The following ABI1 variants were observed in gnomAD, a reference collection of about 807,000 sequenced individuals.
ABI1 encodes abl interactor 1, also known as Abelson interactor 1.
In ABI1, 14 loss-of-function variants were observed where a neutral mutation model predicts 54.6. That is an observed-to-expected ratio of 0.26 (90% CI 0.17 to 0.40). The LOEUF is 0.40. Among genes scored for constraint, ABI1 ranks in the 10% least tolerant of loss-of-function variants. The pLI is 1.00. For synonymous variants in ABI1, 194 were observed against 209.3 expected, an observed-to-expected ratio of 0.93 and a Z score of 0.63; for missense variants, 443 against 598.3, an observed-to-expected ratio of 0.74 and a Z score of 2.71.
At chr10:26,765,339 T>C (rs755178978) in intron 6 of ABI1, 21 bp from the exon 7 acceptor site, 174 of 1,488,014 alleles carry the variant, frequency 1.2e-4, no homozygotes, top group Middle Eastern at 3.4e-4. Context: ...AAAAAAAAAC[T>C]GTGAAAAACC....
intron 7 of ABI1, among the ~76,000 whole-genome samples, chr10:26,761,659 T>TATATAC (rs1839224818): frequency 5.7e-5 from 5 of 88,154 alleles, no homozygotes; most frequent in Admixed American, 1.1e-4. Flanking sequence ...TATATATATA[T>TATATAC]ATACACACAC....
rs1393753682 is a variant in ABI1, at chr10:26,824,151, T to G, written c.118-846A>C. On this transcript the variant is annotated intron_variant, in intron 1 of 10. Transcript: ENST00000376140. ...CACCAAAAAAGCAATGGAACCACTCTTAACCACTGAAAAGATGTTCAACCT... is the reference window on the plus strand; with the variant it reads ...CACCAAAAAAGCAATGGAACCACTCGTAACCACTGAAAAGATGTTCAACCT... Among the ~76,000 whole-genome samples the G allele has an allele frequency of 3.3e-5, 5 of 152,018 alleles. No homozygotes were observed. The East Asian group carries it at 9.7e-4, about 29-fold the overall frequency.
At chr10:26,784,788 C>T (rs903067507) in intron 2 of ABI1, among the ~76,000 whole-genome samples, 1 of 152,186 alleles carries the variant, frequency 6.6e-6, no homozygotes, top group African/African-American at 2.4e-5. Context: ...CACCTTGGGC[C>T]TAGAGGCATT....
chr10:26,782,155 GCCACAGTA>G (rs1166482477), intron 2 of ABI1, among the ~76,000 whole-genome samples: 1 of 152,150 alleles, frequency 6.6e-6, no homozygotes, highest in Non-Finnish European at 1.5e-5. Context: ...GCTGACTCCA[GCCACAGTA>G]CCGTGGTCCT....
In ABI1 at chr10:26,748,288, C is replaced by A; in HGVS notation, c.*282G>T. On this transcript the variant is annotated 3_prime_UTR_variant, in exon 11 of 11. Coordinates refer to ENST00000376140, the MANE Select transcript of ABI1 (RefSeq NM_001012750.3). The stretch of plus-strand genomic sequence containing the variant: ...ATCATGATTCGTTAAATATTATACC[C>A]CACTTCCCCCAGAATATTTAGGCTG... 1 of 293,848 alleles carries A rather than the reference C, an allele frequency of 3.4e-6. No individual in the cohort carries two copies. Among genetic ancestry groups the A allele is most frequent in the Non-Finnish European group, 6.4e-6 (1 of 156,360 alleles). The allele number at this position is 293,848 out of a possible 1,614,324, so 18.2% of individuals were successfully genotyped here.
At chr10:26,847,867 C>A (rs892676131) in intron 1 of ABI1, among the ~76,000 whole-genome samples, 3 of 151,876 alleles carry the variant, frequency 2.0e-5, no homozygotes, top group Non-Finnish European at 2.9e-5. Context: ...TTGGGTTATT[C>A]TTATTTTTTA....
chr10:26,845,631 G>A (rs1322378476), intron 1 of ABI1, among the ~76,000 whole-genome samples: 1 of 152,002 alleles, frequency 6.6e-6, no homozygotes, highest in Non-Finnish European at 1.5e-5. Context: ...CAACAAGAGC[G>A]AAACTCTGTC....
chr10:26,859,198 C>T (rs1320254770), intron 1 of ABI1, among the ~76,000 whole-genome samples: 1 of 151,916 alleles, frequency 6.6e-6, no homozygotes, highest in East Asian at 1.9e-4. Flanking sequence ...ATGTGGCAGG[C>T]ATTCAACAAG....
At chr10:26,844,924 T>C (rs1397300106) in intron 1 of ABI1, among the ~76,000 whole-genome samples, 5 of 152,208 alleles carry the variant, frequency 3.3e-5, no homozygotes, top group African/African-American at 9.6e-5. Flanking sequence ...AACTGGTCAC[T>C]GTCCATCCAG....
chr10:26,791,500 T>C (rs1455553429), intron 2 of ABI1, among the ~76,000 whole-genome samples: 1 of 152,052 alleles, frequency 6.6e-6, no homozygotes, highest in East Asian at 1.9e-4. Context: ...CCAATAAAAA[T>C]GCCAACAGAG....
At chr10:26,770,004 AT>A (rs1215914324) in intron 5 of ABI1, among the ~76,000 whole-genome samples, 1 of 152,250 alleles carries the variant, frequency 6.6e-6, no homozygotes, top group African/African-American at 2.4e-5. Context: ...TGACAAAAAA[AT>A]AAATCATGCC....
chr10:26,812,899 G>C (rs2047329023), intron 2 of ABI1, among the ~76,000 whole-genome samples: 3 of 152,122 alleles, frequency 2.0e-5, no homozygotes, highest in Admixed American at 6.6e-5. Flanking sequence ...TTGTTGGCGG[G>C]GGGACACACA....
intron 2 of ABI1, among the ~76,000 whole-genome samples, chr10:26,797,400 G>C (rs377353029): frequency 2.0e-5 from 3 of 152,232 alleles, no homozygotes; most frequent in African/African-American, 7.2e-5. Flanking sequence ...CACGACTAGG[G>C]ATAGGAAGGG....
intron 3 of ABI1, among the ~76,000 whole-genome samples, chr10:26,773,944 A>G (rs1258124318): frequency 1.4e-4 from 22 of 152,158 alleles, no homozygotes; most frequent in Admixed American, 1.4e-3. Context: ...ATAAAATCTA[A>G]CAACTCCTAG....
At chr10:26,811,542 T>G in intron 2 of ABI1, among the ~76,000 whole-genome samples, 1 of 152,312 alleles carries the variant, frequency 6.6e-6, no homozygotes, top group East Asian at 1.9e-4. Flanking sequence ...CTGTTTTGGT[T>G]AGGTATCAGT....
intron 1 of ABI1, among the ~76,000 whole-genome samples, chr10:26,839,229 G>A (rs942822526): frequency 1.3e-5 from 2 of 152,230 alleles, no homozygotes; most frequent in Admixed American, 6.5e-5. Flanking sequence ...AGGTATGGTG[G>A]CTGACACCTG....
Position 26,835,568 on chromosome 10 carries a change from C to G in ABI1, c.118-12263G>C, listed in dbSNP as rs891969124. ...TCAGCCTCGGTGAAAGAGTTAGACC[C>G]TGTCTCCAAAGGAAAAAAAAAAAAT... On this transcript the variant is annotated intron_variant, in intron 1 of 10. Coordinates refer to ENST00000376140, the MANE Select transcript of ABI1 (RefSeq NM_001012750.3). Among the ~76,000 whole-genome samples the G allele has an allele frequency of 3.5e-5, 5 of 144,522 alleles. No individual in the cohort carries two copies. The South Asian group carries it at 7.2e-4, about 21-fold the overall frequency. The allele number at this position is 144,522 out of a possible 152,430, so 94.8% of individuals were successfully genotyped here.
chr10:26,846,796 T>C (rs10829106), intron 1 of ABI1, among the ~76,000 whole-genome samples: 38,848 of 152,056 alleles, frequency 0.26, 5,620 homozygotes, highest in South Asian at 0.44. Context: ...CCTTCACTCT[T>C]ACCTTTGAGC....
chr10:26,771,230 A>T, intron 3 of ABI1, 141 bp from the exon 4 acceptor site: 1 of 830,814 alleles, frequency 1.2e-6, no homozygotes, highest in South Asian at 1.7e-5. Context: ...TACTTTGTAA[A>T]GAAAAAGAGA....
Sources: gnomAD v4.1 joint callset for allele counts (sites outside exome capture counted in the v4.1 genomes callset) on GRCh38, gnomAD v4.1.1 for gene constraint, MANE v1.5 for transcripts, NCBI Gene and HGNC (gene_info 2026-07-23, HGNC 2026-07-21) for gene names.